The following GFM2 variants were observed in gnomAD, a reference collection of about 807,000 sequenced individuals.
GFM2 encodes ribosome-releasing factor 2, mitochondrial.
Under a neutral mutation model 95.4 loss-of-function variants are expected in GFM2, and 72 were observed. The ratio of observed to expected loss-of-function variants is 0.76; its 90% CI spans 0.62 to 0.92. The LOEUF (loss-of-function observed/expected upper bound fraction) is 0.92, where lower values mean the gene tolerates loss of function less well. Ranked by LOEUF, GFM2 falls within the 40% of genes least tolerant of loss-of-function variation. GFM2 has a pLI of 0.00. For synonymous variants in GFM2, 276 were observed against 317.5 expected (o/e 0.87, Z 1.39); for missense variants, 825 against 924.1 (o/e 0.89, Z 1.39).
In GFM2 at chr5:74,759,353, T is replaced by C; in HGVS notation, c.206+16A>G. 7.1e-7 allele frequency: 1 copy of C among 1,416,176 alleles called. No homozygotes were observed. The allele number at this position is 1,416,176 out of a possible 1,614,324, so 87.7% of individuals were successfully genotyped here. ...TGACAGTCTATGGAAAAGCATGATA[T>C]AATGATAGTACTTACTTAGCTATGG... On this transcript the variant is annotated intron_variant, in intron 4 of 20. Transcript: ENST00000296805.
rs556914023 is a variant in GFM2 at position 74,758,816 on chromosome 5, G to A, written c.304+33C>T. 158 of 1,277,602 alleles carry A rather than the reference G, an allele frequency of 1.2e-4. No homozygotes were observed. The South Asian group carries it at 1.7e-3, about 14-fold the overall frequency. The allele number at this position is 1,277,602 out of a possible 1,614,324, so 79.1% of individuals were successfully genotyped here. On this transcript the variant is annotated intron_variant, in intron 5 of 20. Coordinates refer to ENST00000296805, the MANE Select transcript of GFM2 (RefSeq NM_032380.5). ...ATTTTCCAATGATGCTTTTGCTAAT[G>A]GGGGGGTGGGAAGAGGAGGAATCCA...
chr5:74,762,055 A>C (rs1319336170), intron 2 of GFM2, among the ~76,000 whole-genome samples: 2 of 152,194 alleles, frequency 1.3e-5, no homozygotes, highest in African/African-American at 4.8e-5. Flanking sequence ...CTGAAGAAAA[A>C]CTGGGTAACT....
chr5:74,731,214 C>T (rs1579976933), intron 16 of GFM2, among the ~76,000 whole-genome samples: 1 of 152,302 alleles, frequency 6.6e-6, no homozygotes, highest in Non-Finnish European at 1.5e-5. Context: ...AAAACCTTTC[C>T]CAACAACATG....
chr5:74,766,170 G>A (rs991957147), intron 1 of GFM2, among the ~76,000 whole-genome samples: 4 of 152,170 alleles, frequency 2.6e-5, no homozygotes, highest in Admixed American at 1.3e-4. Flanking sequence ...GCCAGGCTTC[G>A]TGGCGCGAGC....
At chr5:74,739,567 G>A (rs1299750647) in intron 12 of GFM2, among the ~76,000 whole-genome samples, 2 of 151,998 alleles carry the variant, frequency 1.3e-5, no homozygotes, top group Non-Finnish European at 2.9e-5. Flanking sequence ...GATTTTAAAG[G>A]ACTTATTACT....
chr5:74,737,694 TA>T (rs1268776271), intron 14 of GFM2, among the ~76,000 whole-genome samples: 3 of 152,174 alleles, frequency 2.0e-5, no homozygotes, highest in African/African-American at 7.2e-5. Context: ...TTAAAATGTT[TA>T]AAATAACAAT....
chr5:74,753,746 G>A (rs1268797281), intron 5 of GFM2, among the ~76,000 whole-genome samples: 1 of 152,142 alleles, frequency 6.6e-6, no homozygotes, highest in Non-Finnish European at 1.5e-5. Context: ...AAGAATAACT[G>A]GCATTCCCAA....
chr5:74,763,632 A>C, intron 2 of GFM2, 48 bp downstream of exon 2: 1 of 1,062,786 alleles, frequency 9.4e-7, no homozygotes. Flanking sequence ...TAGGCAGTAA[A>C]GGAGCTGAGG....
chr5:74,721,889 T>G, intron 20 of GFM2, 106 bp from the exon 21 acceptor site: 1 of 1,073,354 alleles, frequency 9.3e-7, no homozygotes, highest in Non-Finnish European at 1.3e-6. Flanking sequence ...TTGCCACTTT[T>G]GTGGCTTAGC....
chr5:74,760,792 A>T (rs946917690), intron 3 of GFM2, 110 bp downstream of exon 3: 7 of 734,496 alleles, frequency 9.5e-6, no homozygotes, highest in Non-Finnish European at 9.5e-6. Flanking sequence ...AATAGCCAAG[A>T]AGTAAAAAAT....
intron 5 of GFM2, among the ~76,000 whole-genome samples, chr5:74,758,432 G>A (rs970640728): frequency 2.0e-5 from 3 of 152,214 alleles, no homozygotes; most frequent in Non-Finnish European, 4.4e-5. Flanking sequence ...ATTCCTATGG[G>A]GCATGAATCT....
rs1484699969 is a variant in GFM2, at chr5:74,738,651, T to C, written c.1080-9A>G. 1 of 1,591,842 alleles carries C rather than the reference T, an allele frequency of 6.3e-7. No individual in the cohort carries two copies. The highest frequency in any genetic ancestry group is 8.5e-7 in the Non-Finnish European group (1 of 1,171,988). On this transcript the variant is annotated splice_polypyrimidine_tract_variant and intron_variant, in intron 12 of 20. Transcript: ENST00000296805. ...CATCCTTATACCACTGCCTATAAAA[T>C]AAACATTCCAAAAAGGCCTATAAAA...
chr5:74,763,859 T>C, intron 1 of GFM2, 93 bp from the exon 2 acceptor site: 4 of 623,018 alleles, frequency 6.4e-6, no homozygotes, highest in Non-Finnish European at 8.4e-6. Context: ...ATATGTATGG[T>C]AAAATGTATT....
intron 7 of GFM2, among the ~76,000 whole-genome samples, chr5:74,748,570 T>G (rs1743508555): frequency 6.6e-6 from 1 of 152,134 alleles, no homozygotes; most frequent in African/African-American, 2.4e-5. Context: ...TACGTACCAG[T>G]TGGCTTTCCT....
intron 1 of GFM2, among the ~76,000 whole-genome samples, chr5:74,766,258 C>T (rs899862752): frequency 6.6e-6 from 1 of 151,982 alleles, no homozygotes; most frequent in Non-Finnish European, 1.5e-5. Context: ...GAGCCGAGCT[C>T]GTGCCCCTGC....
chr5:74,758,978 A>C, intron 4 of GFM2, 32 bp from the exon 5 acceptor site: 1 of 1,429,326 alleles, frequency 7.0e-7, no homozygotes, highest in Non-Finnish European at 9.9e-7. Context: ...GGTAAACTTT[A>C]CTAAAATTGT....
intron 5 of GFM2, among the ~76,000 whole-genome samples, chr5:74,757,890 G>A (rs1744079263): frequency 6.6e-6 from 1 of 152,096 alleles, no homozygotes; most frequent in Non-Finnish European, 1.5e-5. Flanking sequence ...ACCTAGAGTA[G>A]TCAAAGTCAT....
At chr5:74,745,605 G>T in intron 10 of GFM2, 73 bp downstream of exon 10, 2 of 1,281,448 alleles carry the variant, frequency 1.6e-6, no homozygotes, top group Non-Finnish European at 2.1e-6. Flanking sequence ...CCCGAGAGAT[G>T]CTAAAGTATG....
chr5:74,763,728 C>G lies in GFM2; in HGVS notation c.15G>C (p.Leu5Phe), dbSNP rs941053934. The change falls in exon 2 of 21, where the codon TTG (leucine) becomes TTC (phenylalanine). Residue 5 changes from leucine (L) to phenylalanine (F), a missense_variant. Coordinates refer to ENST00000296805, the MANE Select transcript of GFM2 (RefSeq NM_032380.5). ...TCTGATGACTCATTGCAAATATCCT[C>G]AAGTTGGTCAACATCTTGATCCTCC... is the stretch of plus-strand genomic sequence containing the variant. MLTNLRIFAMSHQTI... is the reference protein window; with the variant it reads MLTNFRIFAMSHQTI... The G allele has an allele frequency of 1.9e-6, 3 of 1,607,054 alleles. No homozygotes were observed. Among genetic ancestry groups the G allele is most frequent in the Non-Finnish European group, 2.6e-6 (3 of 1,174,412 alleles).
Sources: allele counts gnomAD v4.1 joint callset (sites outside exome capture counted in the v4.1 genomes callset), GRCh38; gene constraint gnomAD v4.1.1; transcripts MANE v1.5; gene names NCBI Gene and HGNC (gene_info 2026-07-23, HGNC 2026-07-21).